METTL15: variants seen among roughly 807,000 people sequenced by gnomAD.
The protein encoded by METTL15 is methyltransferase 15, mitochondrial 12S rRNA N4-cytidine, also known as 12S rRNA N(4)-cytidine methyltransferase METTL15.
In METTL15, 34 loss-of-function variants were observed where a neutral mutation model predicts 38.3. The ratio of observed to expected loss-of-function variants is 0.89; its 90% CI spans 0.68 to 1.18. METTL15 has a LOEUF of 1.18. Among genes scored for constraint, METTL15 ranks in the 50% most tolerant of loss-of-function variants. The pLI, the probability that METTL15 is intolerant of heterozygous loss-of-function variation, is 0.00. For synonymous variants in METTL15, 162 were observed against 170.9 expected (o/e 0.95, Z 0.41); for missense variants, 438 against 498.4 (o/e 0.88, Z 1.15).
At chr11:28,210,626 G>T (rs886450628) in intron 3 of METTL15, among the ~76,000 whole-genome samples, 1 of 151,680 alleles carries the variant, frequency 6.6e-6, no homozygotes, top group Non-Finnish European at 1.5e-5. Context: ...CTGTCTTTCT[G>T]TTCTTGAGTA....
intron 5 of METTL15, among the ~76,000 whole-genome samples, chr11:28,375,972 T>C (rs369230375): frequency 4.6e-5 from 7 of 152,048 alleles, no homozygotes; most frequent in African/African-American, 1.4e-4. Context: ...TGTAGTTGAG[T>C]GGTTTTGAGT....
chr11:28,165,507 AT>A (rs1361492490), intron 3 of METTL15, among the ~76,000 whole-genome samples: 1 of 151,876 alleles, frequency 6.6e-6, no homozygotes, highest in African/African-American at 2.4e-5. Flanking sequence ...TTCTTTGACC[AT>A]TTTTTAATTG....
intron 6 of METTL15, among the ~76,000 whole-genome samples, chr11:28,440,439 C>T (rs1851024570): frequency 6.6e-6 from 1 of 152,162 alleles, no homozygotes. Context: ...AAATAAATCT[C>T]ATAAGTCTTT....
At chr11:28,192,184 G>T (rs1166894503) in intron 3 of METTL15, among the ~76,000 whole-genome samples, 1 of 151,712 alleles carries the variant, frequency 6.6e-6, no homozygotes, top group Admixed American at 6.6e-5. Context: ...TTGATAGTTT[G>T]CATTATGAAT....
chr11:28,346,943 A>AC (rs1370085205), intron 3 of METTL15, among the ~76,000 whole-genome samples: 1 of 152,198 alleles, frequency 6.6e-6, no homozygotes, highest in African/African-American at 2.4e-5. Context: ...CCCAGATTAG[A>AC]TGTCCATGTT....
At chr11:28,119,100 T>G (rs1852098401) in intron 3 of METTL15, among the ~76,000 whole-genome samples, 1 of 152,202 alleles carries the variant, frequency 6.6e-6, no homozygotes, top group African/African-American at 2.4e-5. Context: ...TTTACCTTTT[T>G]ATGGGAACTT....
At chr11:28,221,826 C>A (rs576419608) in intron 4 of METTL15, among the ~76,000 whole-genome samples, 2 of 152,086 alleles carry the variant, frequency 1.3e-5, no homozygotes, top group East Asian at 3.9e-4. Flanking sequence ...CACTCCAGAC[C>A]CTGTTTGCCT....
chr11:28,138,067 A>G (rs1849573600), intron 3 of METTL15, among the ~76,000 whole-genome samples: 2 of 152,132 alleles, frequency 1.3e-5, no homozygotes, highest in African/African-American at 4.8e-5. Context: ...AGATTTTGAG[A>G]GGAATCTATC....
Position 28,170,853 on chromosome 11 carries a change from C to T in METTL15, c.271-40209C>T, listed in dbSNP as rs1226169682. ...GTTTTATCAGCAATGTCTTTGTGAC[C>T]TGTATCTTGTGCTGACCTCCTGTCT... is the stretch of plus-strand genomic sequence containing the variant. On this transcript the variant is annotated intron_variant, in intron 3 of 6. Transcript: ENST00000407364. 7.9e-5 allele frequency among the ~76,000 whole-genome samples: 12 copies of T among 152,226 alleles called. No individual in the cohort carries two copies. In the South Asian group the frequency reaches 1.0e-3, roughly 13 times the overall value.
At chr11:28,140,984 T>C (rs1383711482) in intron 3 of METTL15, among the ~76,000 whole-genome samples, 1 of 152,170 alleles carries the variant, frequency 6.6e-6, no homozygotes, top group Non-Finnish European at 1.5e-5. Flanking sequence ...CTCCTTTCAT[T>C]ATTATAGCCA....
chr11:28,292,168 A>C (rs1485164158), intron 5 of METTL15, among the ~76,000 whole-genome samples: 3 of 150,200 alleles, frequency 2.0e-5, no homozygotes, highest in Admixed American at 6.6e-5. Flanking sequence ...GTAACTCGTC[A>C]TTTAACATTA....
At chr11:28,491,812 A>G (rs1055938831) in intron 6 of METTL15, among the ~76,000 whole-genome samples, 1 of 152,152 alleles carries the variant, frequency 6.6e-6, no homozygotes, top group Non-Finnish European at 1.5e-5. Context: ...AAATAGTTAT[A>G]TTAGAGAAAA....
At chr11:28,423,800 A>G (rs1465587024) in intron 5 of METTL15, among the ~76,000 whole-genome samples, 3 of 152,096 alleles carry the variant, frequency 2.0e-5, no homozygotes, top group Non-Finnish European at 4.4e-5. Context: ...TGATAGCACA[A>G]CAGGATGACT....
At chr11:28,271,900 G>A (rs1444374637) in intron 4 of METTL15, among the ~76,000 whole-genome samples, 1 of 152,084 alleles carries the variant, frequency 6.6e-6, no homozygotes, top group Non-Finnish European at 1.5e-5. Flanking sequence ...CAAAAAGTGG[G>A]CAAAGGATAT....
intron 4 of METTL15, among the ~76,000 whole-genome samples, chr11:28,282,656 G>C (rs909035264): frequency 6.6e-6 from 1 of 152,142 alleles, no homozygotes; most frequent in Non-Finnish European, 1.5e-5. Flanking sequence ...AAGTTCTGGT[G>C]CACTGGGATT....
rs1401363133 is a variant in METTL15, at chr11:28,211,217, T to C, written c.407+19T>C. 3 of 1,589,850 alleles carry C rather than the reference T, an allele frequency of 1.9e-6. No individual in the cohort carries two copies. Among genetic ancestry groups the C allele is most frequent in the Non-Finnish European group, 2.6e-6 (3 of 1,169,704 alleles). On this transcript the variant is annotated intron_variant, in intron 4 of 6. Coordinates refer to ENST00000407364, the MANE Select transcript of METTL15 (RefSeq NM_001113528.2). The stretch of plus-strand genomic sequence containing the variant: ...TGTATCCGTAAGTAATACCCTTGCA[T>C]ATTTATTTGATTTTGGTTCTTAGTT...
chr11:28,368,198 A>G (rs964888471), intron 5 of METTL15, among the ~76,000 whole-genome samples: 7 of 151,856 alleles, frequency 4.6e-5, no homozygotes, highest in Admixed American at 6.6e-5. Flanking sequence ...CACAACTAAA[A>G]TCAGGGTGAA....
chr11:28,352,861 T>A (rs1344944975), intron 4 of METTL15, among the ~76,000 whole-genome samples: 1 of 152,182 alleles, frequency 6.6e-6, no homozygotes, highest in Non-Finnish European at 1.5e-5. Flanking sequence ...AGAATCAAAA[T>A]GATCACATCA....
chr11:28,120,198 C>T (rs978533909), intron 3 of METTL15, among the ~76,000 whole-genome samples: 6 of 151,056 alleles, frequency 4.0e-5, no homozygotes, highest in East Asian at 1.9e-4. Context: ...GTGATCTGCC[C>T]GCCTCAGCCT....
Sources: allele counts gnomAD v4.1 joint callset (sites outside exome capture counted in the v4.1 genomes callset), GRCh38; gene constraint gnomAD v4.1.1; transcripts MANE v1.5; gene names NCBI Gene and HGNC (gene_info 2026-07-23, HGNC 2026-07-21).